The following METTL25 variants were observed in gnomAD, a reference collection of about 807,000 sequenced individuals.
METTL25 encodes the protein methyltransferase like 25.
In METTL25, 64 loss-of-function variants were observed where a neutral mutation model predicts 71.6. That is an observed-to-expected ratio of 0.89 (90% CI 0.73 to 1.10). METTL25 has a LOEUF of 1.10. Among genes scored for constraint, METTL25 ranks in the 50% least tolerant of loss-of-function variants. The pLI is 0.00. For synonymous variants in METTL25, 287 were observed against 250.3 expected (o/e 1.15, Z -1.38); for missense variants, 807 against 707.0 (o/e 1.14, Z -1.60).
At chr12:82,366,649 T>A (rs1189272965) in intron 1 of METTL25, among the ~76,000 whole-genome samples, 36 of 152,132 alleles carry the variant, frequency 2.4e-4, no homozygotes, top group Non-Finnish European at 1.3e-4. Context: ...TTGGTGGTGG[T>A]AGTAATTCGA....
chr12:82,402,874 C>T, intron 4 of METTL25, 109 bp from the exon 5 acceptor site: 1 of 742,260 alleles, frequency 1.3e-6, no homozygotes, highest in Non-Finnish European at 2.1e-6. Flanking sequence ...ATAGCCACCA[C>T]AGTGCAGCCT....
chr12:82,404,382 A>T (rs1374730738), intron 5 of METTL25, among the ~76,000 whole-genome samples: 2 of 152,136 alleles, frequency 1.3e-5, no homozygotes, highest in Non-Finnish European at 2.9e-5. Flanking sequence ...AAGTATTTCT[A>T]CTAAATTATA....
intron 3 of METTL25, among the ~76,000 whole-genome samples, chr12:82,392,054 T>A (rs1885636547): frequency 1.4e-5 from 1 of 73,188 alleles, no homozygotes; most frequent in African/African-American, 4.3e-5. Context: ...CTATTCAGAT[T>A]TTTTGCCCAT....
chr12:82,371,500 C>G (rs963550475), intron 1 of METTL25, among the ~76,000 whole-genome samples: 2 of 152,212 alleles, frequency 1.3e-5, no homozygotes, highest in African/African-American at 2.4e-5. Flanking sequence ...GCTCCATTTT[C>G]TGTCCTCTCT....
intron 8 of METTL25, 94 bp downstream of exon 8, chr12:82,438,885 T>G (rs761411760): frequency 8.4e-6 from 10 of 1,187,618 alleles, no homozygotes; most frequent in Non-Finnish European, 7.7e-6. Context: ...GTCACTGTTA[T>G]TAGTAGAAGC....
At chr12:82,460,959 C>A (rs900281600) in intron 9 of METTL25, among the ~76,000 whole-genome samples, 3 of 152,050 alleles carry the variant, frequency 2.0e-5, no homozygotes, top group African/African-American at 7.2e-5. Context: ...CTGGCTAACA[C>A]AGTGAAACCC....
chr12:82,440,141 C>T (rs929321105), intron 8 of METTL25, among the ~76,000 whole-genome samples: 1 of 151,918 alleles, frequency 6.6e-6, no homozygotes, highest in Non-Finnish European at 1.5e-5. Flanking sequence ...TCTGAGCACT[C>T]ATATGTTTTC....
At chr12:82,414,096 G>T (rs1292792165) in intron 5 of METTL25, among the ~76,000 whole-genome samples, 1 of 151,992 alleles carries the variant, frequency 6.6e-6, no homozygotes, top group Admixed American at 6.6e-5. Context: ...TAAGTTTCTG[G>T]TGTGGCTAGT....
chr12:82,441,909 A>G (rs1890377451), intron 8 of METTL25, among the ~76,000 whole-genome samples: 1 of 151,630 alleles, frequency 6.6e-6, no homozygotes, highest in South Asian at 2.1e-4. Flanking sequence ...CATCCTTGCC[A>G]GGCTGTAATG....
intron 5 of METTL25, among the ~76,000 whole-genome samples, chr12:82,419,485 A>C (rs1488399597): frequency 6.6e-6 from 1 of 152,140 alleles, no homozygotes; most frequent in Non-Finnish European, 1.5e-5. Flanking sequence ...TATCTTGTCC[A>C]TAAGGGGCTG....
At chr12:82,394,718 A>G (rs1885921448) in intron 3 of METTL25, among the ~76,000 whole-genome samples, 2 of 152,094 alleles carry the variant, frequency 1.3e-5, no homozygotes, top group African/African-American at 4.8e-5. Context: ...GTGTATGTTG[A>G]TATATTTTAA....
intron 9 of METTL25, among the ~76,000 whole-genome samples, chr12:82,464,878 T>C (rs1018521319): frequency 1.0e-4 from 8 of 78,546 alleles, no homozygotes; most frequent in Admixed American, 3.2e-4. Flanking sequence ...CTATTGTAAA[T>C]GGAATTGACT....
intron 9 of METTL25, among the ~76,000 whole-genome samples, chr12:82,467,967 G>A (rs1485378536): frequency 6.6e-6 from 1 of 151,652 alleles, no homozygotes; most frequent in Non-Finnish European, 1.5e-5. Context: ...AAGCCTATAG[G>A]CTTTTTTTTA....
chr12:82,429,376 GTTTT>G (rs60688459), intron 5 of METTL25, among the ~76,000 whole-genome samples: 5 of 144,122 alleles, frequency 3.5e-5, no homozygotes, highest in Admixed American at 7.0e-5. Flanking sequence ...CAAATGTAGG[GTTTT>G]TTTTTTTTTT....
Position 82,397,356 on chromosome 12 carries a change from A to C in METTL25, c.532-1439A>C, listed in dbSNP as rs138325256. ...ACTTGTCTTCTTACTGAGTTGTAAG[A>C]GTTCTTTATTCTAGATATAAGTCCT... On this transcript the variant is annotated intron_variant, in intron 3 of 11. Coordinates refer to ENST00000248306, the MANE Select transcript of METTL25 (RefSeq NM_032230.3). 7.4e-3 allele frequency among the ~76,000 whole-genome samples: 1,121 copies of C among 152,206 alleles called. 7 individuals carry two copies. The highest frequency in any genetic ancestry group is 0.011 in the Non-Finnish European group (777 of 67,970).
chr12:82,463,199 C>T (rs889963554), intron 9 of METTL25, among the ~76,000 whole-genome samples: 1 of 151,974 alleles, frequency 6.6e-6, no homozygotes, highest in Non-Finnish European at 1.5e-5. Context: ...ATTTTATATT[C>T]TTTAACAAAT....
chr12:82,471,523 T>C (rs1309917034), intron 9 of METTL25, among the ~76,000 whole-genome samples: 52 of 152,218 alleles, frequency 3.4e-4, no homozygotes, highest in Admixed American at 3.4e-3. Flanking sequence ...ACAGAATATA[T>C]AGAGACTTAG....
At chr12:82,420,027 C>T (rs2137095667) in intron 5 of METTL25, among the ~76,000 whole-genome samples, 1 of 152,214 alleles carries the variant, frequency 6.6e-6, no homozygotes, top group Admixed American at 6.5e-5. Context: ...TATTACTCAG[C>T]CTTTAAAAAG....
intron 3 of METTL25, among the ~76,000 whole-genome samples, chr12:82,397,111 A>C (rs1266055225): frequency 2.0e-5 from 3 of 152,050 alleles, no homozygotes; most frequent in Middle Eastern, 3.2e-3. Flanking sequence ...TCTTAGATAA[A>C]TTGGAGTGAG....
Sources: allele counts gnomAD v4.1 joint callset (sites outside exome capture counted in the v4.1 genomes callset), GRCh38; gene constraint gnomAD v4.1.1; transcripts MANE v1.5; gene names NCBI Gene and HGNC (gene_info 2026-07-23, HGNC 2026-07-21).